PLCL2: variants seen among roughly 807,000 people sequenced by gnomAD.
PLCL2 encodes the protein inactive phospholipase C-like protein 2.
In PLCL2, 4 loss-of-function variants were observed where a neutral mutation model predicts 79.6. That is an observed-to-expected ratio of 0.05 (90% CI 0.02 to 0.11). PLCL2 has a LOEUF of 0.11. Among genes scored for constraint, PLCL2 ranks in the 10% least tolerant of loss-of-function variants. PLCL2 has a pLI of 1.00. For synonymous variants in PLCL2, 484 were observed against 457.7 expected (o/e 1.06, Z -0.73); for missense variants, 895 against 1,291.0 (o/e 0.69, Z 4.70).
intron 1 of PLCL2, among the ~76,000 whole-genome samples, chr3:16,944,756 C>T (rs1477920149): frequency 6.7e-6 from 1 of 150,288 alleles, no homozygotes; most frequent in East Asian, 1.9e-4. Context: ...TATTGTACTC[C>T]GGGTTTTTTT....
chr3:17,064,947 A>G (rs935403013), intron 4 of PLCL2, among the ~76,000 whole-genome samples: 3 of 151,188 alleles, frequency 2.0e-5, no homozygotes, highest in African/African-American at 7.3e-5. Flanking sequence ...AAAAAAAAAA[A>G]GACATGTTTA....
At chr3:16,982,598 G>T (rs188675022) in intron 1 of PLCL2, among the ~76,000 whole-genome samples, 3 of 152,320 alleles carry the variant, frequency 2.0e-5, no homozygotes, top group African/African-American at 7.2e-5. Flanking sequence ...GGGCCTGCCT[G>T]ATTTGATATA....
intron 1 of PLCL2, among the ~76,000 whole-genome samples, chr3:16,888,148 A>G (rs1419560435): frequency 6.6e-6 from 1 of 152,194 alleles, no homozygotes; most frequent in South Asian, 2.1e-4. Flanking sequence ...TAAATGTGCT[A>G]TAAGGTGGGC....
intron 4 of PLCL2, among the ~76,000 whole-genome samples, chr3:17,045,200 T>A (rs1228764020): frequency 1.3e-5 from 2 of 152,214 alleles, no homozygotes; most frequent in African/African-American, 4.8e-5. Context: ...TAATTGTTAT[T>A]CTGCTTGCCA....
At chr3:16,894,102 A>G (rs1319758921) in intron 1 of PLCL2, among the ~76,000 whole-genome samples, 1 of 152,148 alleles carries the variant, frequency 6.6e-6, no homozygotes, top group Non-Finnish European at 1.5e-5. Context: ...CTCTCTCCAT[A>G]TGGTTTCCTG....
chr3:17,080,775 A>G (rs1334264728), intron 5 of PLCL2, among the ~76,000 whole-genome samples: 1 of 152,180 alleles, frequency 6.6e-6, no homozygotes, highest in South Asian at 2.1e-4. Flanking sequence ...CTCATTCCTC[A>G]TTCAACAAAC....
chr3:17,072,561 T>A (rs11721224), intron 5 of PLCL2, among the ~76,000 whole-genome samples: 28,473 of 150,952 alleles, frequency 0.19, 3,114 homozygotes, highest in East Asian at 0.54. Context: ...CCCAGCTACT[T>A]GGGAGGCTGA....
At chr3:17,052,108 C>G (rs1458019298) in intron 4 of PLCL2, among the ~76,000 whole-genome samples, 1 of 152,026 alleles carries the variant, frequency 6.6e-6, no homozygotes, top group Non-Finnish European at 1.5e-5. Context: ...ACCATTGTTG[C>G]TACAGAAAAA....
chr3:16,937,208 A>G (rs898420832), intron 1 of PLCL2, among the ~76,000 whole-genome samples: 2 of 152,196 alleles, frequency 1.3e-5, no homozygotes, highest in African/African-American at 2.4e-5. Flanking sequence ...TGACTTTTAT[A>G]TGGTCTATTT....
At chr3:16,980,891 C>T (rs912430361) in intron 1 of PLCL2, among the ~76,000 whole-genome samples, 26 of 152,366 alleles carry the variant, frequency 1.7e-4, no homozygotes, top group Non-Finnish European at 1.3e-4. Context: ...CCCGGCACCT[C>T]GGGAGGCCGA....
chr3:16,954,133 G>T (rs1445997622), intron 1 of PLCL2, among the ~76,000 whole-genome samples: 1 of 151,902 alleles, frequency 6.6e-6, no homozygotes. Context: ...CCATTAACTC[G>T]CCATTTAACA....
At chr3:17,063,775 C>A (rs1307663576) in intron 4 of PLCL2, among the ~76,000 whole-genome samples, 2 of 152,194 alleles carry the variant, frequency 1.3e-5, no homozygotes, top group East Asian at 3.8e-4. Flanking sequence ...GCTTGCCCAC[C>A]CACAGCTCTT....
At chr3:16,965,382 G>C (rs1048220566) in intron 1 of PLCL2, among the ~76,000 whole-genome samples, 12 of 151,914 alleles carry the variant, frequency 7.9e-5, no homozygotes, top group East Asian at 3.9e-4. Flanking sequence ...TGGTCTATAT[G>C]TCTGTTTTGG....
chr3:17,061,541 C>A (rs1467107106), intron 4 of PLCL2, among the ~76,000 whole-genome samples: 1 of 151,004 alleles, frequency 6.6e-6, no homozygotes, highest in African/African-American at 2.4e-5. Flanking sequence ...GCTTTTAAGC[C>A]CTTCAGGAAA....
At chr3:17,036,464 C>T (rs144702874) in intron 3 of PLCL2, among the ~76,000 whole-genome samples, 200 of 152,216 alleles carry the variant, frequency 1.3e-3, no homozygotes, top group Middle Eastern at 6.8e-3. Flanking sequence ...TCTCAAATCC[C>T]GATGTTTTAG....
rs1352787866 is a variant in PLCL2, at chr3:17,060,656, A to C, written c.3095-7300A>C. On this transcript the variant is annotated intron_variant, in intron 4 of 5. Transcript: ENST00000615277. ...ACATATTCTTATAAAATTATCAGCT[A>C]TCCATATTTTGTTCTCTAAGTAGTG... Among the ~76,000 whole-genome samples the C allele has an allele frequency of 3.3e-5, 5 of 152,318 alleles. No homozygotes were observed. The South Asian group carries it at 1.0e-3, about 32-fold the overall frequency.
intron 3 of PLCL2, chr3:17,035,814 T>C (rs779084595): frequency 9.8e-6 from 5 of 510,108 alleles, no homozygotes; most frequent in South Asian, 7.1e-5. Context: ...ATATTTTACA[T>C]GATTTCAAGT....
chr3:16,953,682 C>G (rs1277515562), intron 1 of PLCL2, among the ~76,000 whole-genome samples: 2 of 152,038 alleles, frequency 1.3e-5, no homozygotes, highest in Non-Finnish European at 2.9e-5. Context: ...TGGATAATCC[C>G]AAAGTGGGCG....
At chr3:16,922,553 T>C (rs767126840) in intron 1 of PLCL2, among the ~76,000 whole-genome samples, 1 of 152,176 alleles carries the variant, frequency 6.6e-6, no homozygotes, top group Non-Finnish European at 1.5e-5. Flanking sequence ...TTCCTATGCA[T>C]GTATGCATTT....
Sources: allele counts gnomAD v4.1 joint callset (sites outside exome capture counted in the v4.1 genomes callset), GRCh38; gene constraint gnomAD v4.1.1; transcripts MANE v1.5; gene names NCBI Gene and HGNC (gene_info 2026-07-23, HGNC 2026-07-21).